The following ELK4 variants were observed in gnomAD, a reference collection of about 807,000 sequenced individuals.
ELK4 encodes the protein ETS transcription factor ELK4.
A neutral mutation model predicts 29.6 loss-of-function variants in ELK4; 16 were observed. That is an observed-to-expected ratio of 0.54 (90% CI 0.37 to 0.82). The LOEUF is 0.82. Among genes scored for constraint, ELK4 ranks in the 40% least tolerant of loss-of-function variants. ELK4 has a pLI of 0.00. For missense variants in ELK4, 465 were observed against 507.1 expected (o/e 0.92, Z 0.80); for synonymous variants, 213 against 191.1 (o/e 1.11, Z -0.95).
At chr1:205,630,848 G>A (rs1262981456) in intron 1 of ELK4, among the ~76,000 whole-genome samples, 1 of 152,148 alleles carries the variant, frequency 6.6e-6, no homozygotes, top group Non-Finnish European at 1.5e-5. Flanking sequence ...GGGTGTAGGG[G>A]GTGGGAAAAG....
intron 1 of ELK4, among the ~76,000 whole-genome samples, chr1:205,629,940 G>A (rs1054192715): frequency 6.6e-6 from 1 of 151,576 alleles, no homozygotes; most frequent in Non-Finnish European, 1.5e-5. Flanking sequence ...TACTCGGGAG[G>A]CTGAGGTGGG....
In ELK4 at chr1:205,608,861, T is replaced by A. The variant is rs891511534; in HGVS notation, c.*7685A>T. The A allele has an allele frequency of 5.1e-6, 1 of 197,024 alleles. No homozygotes were observed. The highest frequency in any genetic ancestry group is 2.3e-5 in the African/African-American group (1 of 43,350). 12.2% of individuals were successfully genotyped at this position (197,024 alleles called of 1,614,324 possible). A position where few individuals can be genotyped will look rare whatever the true frequency, so the allele number is the denominator to read the frequency against. On this transcript the variant is annotated 3_prime_UTR_variant, in exon 5 of 5. Coordinates refer to ENST00000357992, the MANE Select transcript of ELK4 (RefSeq NM_001973.4). Reference sequence around the variant, plus strand: ...CTTGACATGTTCTTACTACCACATATCCCAAACTAAGACATACACATAAAA... The same window carrying A: ...CTTGACATGTTCTTACTACCACATAACCCAAACTAAGACATACACATAAAA...
Position 205,613,625 on chromosome 1 carries a change from A to G in ELK4, c.*2921T>C, listed in dbSNP as rs1670186955. On this transcript the variant is annotated 3_prime_UTR_variant, in exon 5 of 5. Coordinates refer to ENST00000357992, the MANE Select transcript of ELK4 (RefSeq NM_001973.4). Reference sequence around the variant, plus strand: ...TCTAATTTATATTAGAATTTTATTTATAATTTATATTTGCAGCAAATGCTA... The same window carrying G: ...TCTAATTTATATTAGAATTTTATTTGTAATTTATATTTGCAGCAAATGCTA... 1 of 181,018 alleles carries G rather than the reference A, an allele frequency of 5.5e-6. No homozygotes were observed. Among genetic ancestry groups the G allele is most frequent in the Non-Finnish European group, 1.2e-5 (1 of 84,892 alleles). 11.2% of individuals were successfully genotyped at this position (181,018 alleles called of 1,614,324 possible).
intron 1 of ELK4, among the ~76,000 whole-genome samples, chr1:205,630,851 G>A (rs1477283224): frequency 1.3e-5 from 2 of 152,158 alleles, no homozygotes; most frequent in African/African-American, 4.8e-5. Flanking sequence ...TGTAGGGGGT[G>A]GGAAAAGACG....
intron 1 of ELK4, among the ~76,000 whole-genome samples, chr1:205,631,380 C>T (rs963224809): frequency 6.9e-6 from 1 of 145,964 alleles, no homozygotes; most frequent in Non-Finnish European, 1.5e-5. Context: ...GAAAAAATCG[C>T]CGCCACCTTT....
At chr1:205,619,234 A>G in intron 3 of ELK4, 161 bp from the exon 4 acceptor site, 2 of 1,111,042 alleles carry the variant, frequency 1.8e-6, no homozygotes, top group Non-Finnish European at 2.3e-6. Flanking sequence ...AATTATTTTT[A>G]CAAACTAAGA....
chr1:205,611,741 C>A lies in ELK4; in HGVS notation c.*4805G>T. ...TTGGTTTGGTAATTCATTTAGAGCC[C>A]CAGATTTCTGCACAGAGACCTGCAT... On this transcript the variant is annotated 3_prime_UTR_variant, in exon 5 of 5. Transcript: ENST00000357992. The A allele has an allele frequency of 5.2e-6, 1 of 193,174 alleles. No homozygotes were observed. 12.0% of individuals were successfully genotyped at this position (193,174 alleles called of 1,614,324 possible). A position where few individuals can be genotyped will look rare whatever the true frequency, so the allele number is the denominator to read the frequency against.
In ELK4 at chr1:205,608,386, G is replaced by C. The variant is rs1247137113; in HGVS notation, c.*8160C>G. On this transcript the variant is annotated 3_prime_UTR_variant, in exon 5 of 5. Coordinates refer to ENST00000357992, the MANE Select transcript of ELK4 (RefSeq NM_001973.4). ...AAAGTTTCTCTGCCGTATACAGATA[G>C]AATTCAAGACTCTAGCTACAATCAT... 1 of 194,724 alleles carries C rather than the reference G, an allele frequency of 5.1e-6. No individual in the cohort carries two copies. Among genetic ancestry groups the C allele is most frequent in the East Asian group, 8.1e-5 (1 of 12,280 alleles). 12.1% of individuals were successfully genotyped at this position (194,724 alleles called of 1,614,324 possible). A position where few individuals can be genotyped will look rare whatever the true frequency, so the allele number is the denominator to read the frequency against.
chr1:205,617,220 A>T (rs1243122789), intron 4 of ELK4, among the ~76,000 whole-genome samples: 1 of 152,194 alleles, frequency 6.6e-6, no homozygotes, highest in African/African-American at 2.4e-5. Flanking sequence ...AAAATTCTCA[A>T]CTTTTTTTTC....
chr1:205,617,815 C>T (rs1238665214), intron 4 of ELK4, among the ~76,000 whole-genome samples: 1 of 151,988 alleles, frequency 6.6e-6, no homozygotes, highest in Non-Finnish European at 1.5e-5. Context: ...GCAGGAGAAC[C>T]GCTTGAACCC....
At position 205,618,870 on chromosome 1, in the gene ELK4, T is replaced by C. The variant is rs952595535; in HGVS notation, c.1197+87A>G. 3.1e-6 allele frequency: 3 copies of C among 981,964 alleles called. No individual in the cohort carries two copies. In the African/African-American group the frequency reaches 5.0e-5, roughly 17 times the overall value. 60.8% of individuals were successfully genotyped at this position (981,964 alleles called of 1,614,324 possible). A position where few individuals can be genotyped will look rare whatever the true frequency, so the allele number is the denominator to read the frequency against. ...TCATTAAATAGAAGTTTTATAATGATTAAACTGAATAGTGGGACCCTGCCT... is the reference window on the plus strand; with the variant it reads ...TCATTAAATAGAAGTTTTATAATGACTAAACTGAATAGTGGGACCCTGCCT... On this transcript the variant is annotated intron_variant, in intron 4 of 4. Transcript: ENST00000357992.
rs1047783003 is a variant in ELK4 at position 205,610,009 on chromosome 1, G to T, written c.*6537C>A. ...ATTAAACAAACAAAATAATCATTAA[G>T]TGCTTCCAGTTATTAAAAATGAAAC... On this transcript the variant is annotated 3_prime_UTR_variant, in exon 5 of 5. Transcript: ENST00000357992. 3 of 230,416 alleles carry T rather than the reference G, an allele frequency of 1.3e-5. No homozygotes were observed. Among genetic ancestry groups the T allele is most frequent in the African/African-American group, 6.6e-5 (3 of 45,170 alleles). The allele number at this position is 230,416 out of a possible 1,614,324, so 14.3% of individuals were successfully genotyped here. A position where few individuals can be genotyped will look rare whatever the true frequency, so the allele number is the denominator to read the frequency against.
intron 4 of ELK4, 129 bp downstream of exon 4, chr1:205,618,828 A>C (rs1307804560): frequency 4.4e-6 from 3 of 684,536 alleles, no homozygotes; most frequent in Non-Finnish European, 7.0e-6. Flanking sequence ...CATCTCAAAA[A>C]AATAAAAAAA....
intron 1 of ELK4, among the ~76,000 whole-genome samples, chr1:205,626,533 G>C (rs1458966140): frequency 2.0e-5 from 3 of 152,004 alleles, no homozygotes; most frequent in Admixed American, 6.6e-5. Context: ...GAAATTGCAA[G>C]GGGAAGGTAG....
Position 205,613,512 on chromosome 1 carries a change from TG to T in ELK4, c.*3033del, listed in dbSNP as rs1240194069. The T allele has an allele frequency of 5.4e-6, 1 of 184,106 alleles. No homozygotes were observed. Among genetic ancestry groups the T allele is most frequent in the African/African-American group, 2.4e-5 (1 of 42,532 alleles). 11.4% of individuals were successfully genotyped at this position (184,106 alleles called of 1,614,324 possible). On this transcript the variant is annotated 3_prime_UTR_variant, in exon 5 of 5. Transcript: ENST00000357992. Reference sequence around the variant, plus strand: ...GCCAGCACTGGCTCTGAGCCAACTGTGCACATCCTTTCTGAACTCTAAGGTG... The same window carrying T: ...GCCAGCACTGGCTCTGAGCCAACTGTCACATCCTTTCTGAACTCTAAGGTG...
chr1:205,621,497 A>G (rs552908034), intron 2 of ELK4, among the ~76,000 whole-genome samples: 43 of 152,278 alleles, frequency 2.8e-4, no homozygotes, highest in Middle Eastern at 3.4e-3. Flanking sequence ...AGCCATACAC[A>G]TCCTGAGTAA....
chr1:205,625,968 C>T (rs536506314), intron 1 of ELK4: 13 of 1,029,752 alleles, frequency 1.3e-5, no homozygotes, highest in South Asian at 6.3e-5. Flanking sequence ...TAAGCCACTG[C>T]GCCCGGCCCA....
intron 2 of ELK4, among the ~76,000 whole-genome samples, chr1:205,622,644 A>G (rs950160403): frequency 6.6e-6 from 1 of 152,182 alleles, no homozygotes; most frequent in African/African-American, 2.4e-5. Context: ...GCAGCCTCCC[A>G]AAGTGCTGGC....
chr1:205,624,867 T>C (rs1298191569), intron 1 of ELK4, among the ~76,000 whole-genome samples: 2 of 152,184 alleles, frequency 1.3e-5, no homozygotes, highest in Admixed American at 6.5e-5. Flanking sequence ...TAGATAACCA[T>C]TGGTTTAGGC....
Sources: allele counts gnomAD v4.1 joint callset (sites outside exome capture counted in the v4.1 genomes callset), GRCh38; gene constraint gnomAD v4.1.1; transcripts MANE v1.5; gene names NCBI Gene and HGNC (gene_info 2026-07-23, HGNC 2026-07-21).